SORCS3: variants seen among roughly 807,000 people sequenced by gnomAD.
SORCS3 encodes VPS10 domain-containing receptor SorCS3.
A neutral mutation model predicts 146.3 loss-of-function variants in SORCS3; 57 were observed. That is an observed-to-expected ratio of 0.39 (90% CI 0.31 to 0.49). The LOEUF is 0.49. Ranked by LOEUF, SORCS3 falls within the 20% of genes least tolerant of loss-of-function variation. The probability of loss-of-function intolerance (pLI) is 0.92; values close to 1 mark genes in which losing one functional copy is unlikely to be tolerated. For missense variants in SORCS3, 1,341 were observed against 1,575.5 expected (o/e 0.85, Z 2.52); for synonymous variants, 653 against 618.5 (o/e 1.06, Z -0.83).
chr10:104,907,483 A>G (rs996666198), intron 2 of SORCS3, among the ~76,000 whole-genome samples: 12 of 152,170 alleles, frequency 7.9e-5, no homozygotes, highest in Admixed American at 7.9e-4. Flanking sequence ...GCCCAACCCC[A>G]TATACTTCAG....
Position 104,874,143 on chromosome 10 carries a change from C to G in SORCS3, c.695+31284C>G, listed in dbSNP as rs2018546653. Among the ~76,000 whole-genome samples the G allele has an allele frequency of 2.6e-5, 4 of 152,292 alleles. 1 individual carries two copies. The South Asian group carries it at 8.3e-4, about 32-fold the overall frequency. ...AAGGGTGAAAATGCAGTGTGCTTATCTTGTTTGCTTCCTTCTCACACCCTC... is the reference window on the plus strand; with the variant it reads ...AAGGGTGAAAATGCAGTGTGCTTATGTTGTTTGCTTCCTTCTCACACCCTC... On this transcript the variant is annotated intron_variant, in intron 2 of 26. Coordinates refer to ENST00000369701, the MANE Select transcript of SORCS3 (RefSeq NM_014978.3).
At chr10:104,913,466 T>G (rs1189719179) in intron 2 of SORCS3, among the ~76,000 whole-genome samples, 1 of 152,178 alleles carries the variant, frequency 6.6e-6, no homozygotes, top group East Asian at 1.9e-4. Flanking sequence ...AGAGAATAAG[T>G]CAGCTTTTGG....
intron 4 of SORCS3, among the ~76,000 whole-genome samples, chr10:105,035,060 C>T (rs139525311): frequency 6.6e-6 from 1 of 152,328 alleles, no homozygotes; most frequent in East Asian, 1.9e-4. Context: ...TCCCTAATCA[C>T]ATGTCAGCAA....
chr10:104,679,923 C>T (rs1222548097), intron 1 of SORCS3, among the ~76,000 whole-genome samples: 1 of 151,760 alleles, frequency 6.6e-6, no homozygotes, highest in African/African-American at 2.4e-5. Flanking sequence ...GGATTAAATG[C>T]AATAAAACGA....
chr10:105,183,924 A>G (rs1005590550), intron 14 of SORCS3, among the ~76,000 whole-genome samples: 2 of 152,230 alleles, frequency 1.3e-5, no homozygotes, highest in Non-Finnish European at 2.9e-5. Flanking sequence ...TTCACTTTCC[A>G]GGGAAAATGC....
At chr10:104,850,656 A>T (rs2018265319) in intron 2 of SORCS3, among the ~76,000 whole-genome samples, 1 of 152,182 alleles carries the variant, frequency 6.6e-6, no homozygotes, top group Admixed American at 6.5e-5. Context: ...TCACCCGAGG[A>T]AGCTTGGGTT....
chr10:104,734,164 G>C (rs1374926522), intron 1 of SORCS3, among the ~76,000 whole-genome samples: 1 of 152,210 alleles, frequency 6.6e-6, no homozygotes, highest in Non-Finnish European at 1.5e-5. Context: ...TGTTTTTAGG[G>C]ATGCTAGGAA....
chr10:105,155,203 A>ATGATTCTTTAATT (rs2056198208), intron 9 of SORCS3, among the ~76,000 whole-genome samples: 1 of 152,284 alleles, frequency 6.6e-6, no homozygotes, highest in East Asian at 1.9e-4. Flanking sequence ...GGTAATGGTA[A>ATGATTCTTTAATT]TGATTCTTTA....
In SORCS3 at chr10:105,091,428, T is replaced by TTCCC. The variant is rs1438588144; in HGVS notation, c.1093+1592_1093+1593insCTCC. The stretch of plus-strand genomic sequence containing the variant: ...CTTCCTTCCTTCCTTCCTTCCCTCC[T>TTCCC]TCCTTCCTTCCTTCGTTCCTTCCTT... On this transcript the variant is annotated intron_variant, in intron 6 of 26. Coordinates refer to ENST00000369701, the MANE Select transcript of SORCS3 (RefSeq NM_014978.3). Among the ~76,000 whole-genome samples, 113 of 69,980 alleles carry TTCCC rather than the reference T, an allele frequency of 1.6e-3. 16 individuals are homozygous for TTCCC. The highest frequency in any genetic ancestry group is 5.8e-3 in the African/African-American group (102 of 17,614). The allele number at this position is 69,980 out of a possible 152,430, so 45.9% of individuals were successfully genotyped here.
chr10:105,198,346 G>A (rs1463343124), intron 14 of SORCS3, among the ~76,000 whole-genome samples: 1 of 152,062 alleles, frequency 6.6e-6, no homozygotes, highest in Non-Finnish European at 1.5e-5. Context: ...GAGTTTTGAA[G>A]GCTGGATAGA....
intron 2 of SORCS3, among the ~76,000 whole-genome samples, chr10:104,896,527 C>A (rs1432756051): frequency 6.6e-6 from 1 of 152,118 alleles, no homozygotes; most frequent in Non-Finnish European, 1.5e-5. Context: ...AGTGTTGGTG[C>A]TGCAAGGTCA....
At chr10:104,966,106 G>C (rs2054824946) in intron 3 of SORCS3, among the ~76,000 whole-genome samples, 1 of 151,818 alleles carries the variant, frequency 6.6e-6, no homozygotes, top group African/African-American at 2.4e-5. Flanking sequence ...CCTGTGTTTT[G>C]TCACATGTTT....
At chr10:105,112,166 A>C (rs901732544) in intron 7 of SORCS3, among the ~76,000 whole-genome samples, 4 of 152,138 alleles carry the variant, frequency 2.6e-5, no homozygotes, top group African/African-American at 9.7e-5. Flanking sequence ...ATGCTTTGCC[A>C]TAGGCCATTT....
intron 1 of SORCS3, among the ~76,000 whole-genome samples, chr10:104,698,505 C>G (rs904303585): frequency 1.3e-5 from 2 of 152,122 alleles, no homozygotes; most frequent in African/African-American, 4.8e-5. Context: ...ACTGCCACAC[C>G]CGTGTTTCAA....
chr10:104,816,636 C>A (rs970406286), intron 1 of SORCS3, among the ~76,000 whole-genome samples: 1 of 152,166 alleles, frequency 6.6e-6, no homozygotes, highest in African/African-American at 2.4e-5. Context: ...CAGGGGCTGG[C>A]GTCTGTTCAG....
At chr10:105,235,273 C>T (rs551160364) in intron 20 of SORCS3, among the ~76,000 whole-genome samples, 1 of 152,196 alleles carries the variant, frequency 6.6e-6, no homozygotes, top group African/African-American at 2.4e-5. Flanking sequence ...GAATGTAGTG[C>T]TCTGATGTGT....
rs753530006 is a variant in SORCS3 at position 104,779,256 on chromosome 10, G to A, written c.628-63536G>A. Among the ~76,000 whole-genome samples, 6 of 152,322 alleles carry A rather than the reference G, an allele frequency of 3.9e-5. No individual in the cohort carries two copies. In the East Asian group the frequency reaches 7.7e-4, roughly 20 times the overall value. The stretch of plus-strand genomic sequence containing the variant: ...ACTTCTAGAACTGGAAGAAAATAAG[G>A]TTGCGTTGTCTTTAAGCTCCATGCT... On this transcript the variant is annotated intron_variant, in intron 1 of 26. Transcript: ENST00000369701.
At chr10:104,989,923 C>A (rs1411490027) in intron 4 of SORCS3, among the ~76,000 whole-genome samples, 1 of 152,218 alleles carries the variant, frequency 6.6e-6, no homozygotes, top group African/African-American at 2.4e-5. Flanking sequence ...CCCACTTCAA[C>A]AAGGAGGCAA....
intron 1 of SORCS3, among the ~76,000 whole-genome samples, chr10:104,689,814 AAGGCCT>A: frequency 6.6e-6 from 1 of 152,180 alleles, no homozygotes; most frequent in Non-Finnish European, 1.5e-5. Flanking sequence ...AGAAACACCG[AAGGCCT>A]AGAGAAAAGG....
Sources: allele counts gnomAD v4.1 joint callset (sites outside exome capture counted in the v4.1 genomes callset), GRCh38; gene constraint gnomAD v4.1.1; transcripts MANE v1.5; gene names NCBI Gene and HGNC (gene_info 2026-07-23, HGNC 2026-07-21).